The following PRELP variants were observed in gnomAD, a reference collection of about 807,000 sequenced individuals.
PRELP encodes prolargin.
Under a neutral mutation model 22.8 loss-of-function variants are expected in PRELP, and 16 were observed. That is an observed-to-expected ratio of 0.70 (90% CI 0.47 to 1.06). PRELP has a LOEUF of 1.06. PRELP is among the 50% of genes least tolerant of loss of function. The pLI, the probability that PRELP is intolerant of heterozygous loss-of-function variation, is 0.00. For missense variants in PRELP, 434 were observed against 485.2 expected (o/e 0.89, Z 0.99); for synonymous variants, 233 against 211.4 (o/e 1.10, Z -0.89).
chr1:203,484,298 C>G, intron 2 of PRELP, 141 bp downstream of exon 2: 1 of 1,315,526 alleles, frequency 7.6e-7, no homozygotes, highest in Non-Finnish European at 1.0e-6. Flanking sequence ...GGCCTTGCCA[C>G]TTGCTATCTG....
In PRELP at chr1:203,486,845, G is replaced by A. The variant is rs542134754; in HGVS notation, c.1113G>A (p.Met371Ile). ...AGCCGCCCATCCCGCTGGACCTCAT[G>A]ATGTGCTTCCGCCTCCTGCAGTCCG... ...YLKPPIPLDLMMCFRLLQSVV... is the reference protein window; with the variant it reads ...YLKPPIPLDLIMCFRLLQSVV... The change falls in exon 3 of 3, where the codon ATG becomes ATA. Residue 371 changes from methionine (M) to isoleucine (I), a missense_variant. Met to Ile is a conservative substitution (Grantham distance 10). Transcript: ENST00000343110. 6.2e-7 allele frequency: 1 copy of A among 1,614,172 alleles called. No homozygotes were observed. The highest frequency in any genetic ancestry group is 1.7e-5 in the Admixed American group (1 of 60,018).
At chr1:203,481,009 G>C (rs1415973243) in intron 1 of PRELP, among the ~76,000 whole-genome samples, 6 of 111,816 alleles carry the variant, frequency 5.4e-5, no homozygotes, top group African/African-American at 2.6e-4. Context: ...CTGAGCCAAG[G>C]AAACCCCGCC....
chr1:203,476,474 CAT>C (rs1660912928), intron 1 of PRELP, among the ~76,000 whole-genome samples: 1 of 152,208 alleles, frequency 6.6e-6, no homozygotes, highest in Non-Finnish European at 1.5e-5. Context: ...TGCATGCACA[CAT>C]GTTCCCTGCA....
chr1:203,485,545 A>ATT (rs879507080), intron 2 of PRELP, among the ~76,000 whole-genome samples: 5 of 152,216 alleles, frequency 3.3e-5, no homozygotes, highest in Non-Finnish European at 5.9e-5. Context: ...TGCCTTTGCC[A>ATT]ACATTCTCTC....
Position 203,487,048 on chromosome 1 carries a change from G to T in PRELP, c.*167G>T, listed in dbSNP as rs1178978218. On this transcript the variant is annotated 3_prime_UTR_variant, in exon 3 of 3. Transcript: ENST00000343110. ...CATCTATTCTTCTGCAGCCTCAGGA[G>T]CGAGACTTCAAGGACTCAGTTTGGT... 2 of 798,996 alleles carry T rather than the reference G, an allele frequency of 2.5e-6. No individual in the cohort carries two copies. Among genetic ancestry groups the T allele is most frequent in the Non-Finnish European group, 3.8e-6 (2 of 530,748 alleles). 49.5% of individuals were successfully genotyped at this position (798,996 alleles called of 1,614,324 possible).
Position 203,483,068 on chromosome 1 carries a change from C to T in PRELP, c.-16-101C>T. ...CCACAGCTCCCTGAGCTCTGCCCAT[C>T]TTCCCTAGAGCTCTAGTTCTGCCCA... On this transcript the variant is annotated intron_variant, in intron 1 of 2. Coordinates refer to ENST00000343110, the MANE Select transcript of PRELP (RefSeq NM_002725.4). The surrounding 1 kb of genome is among the most constrained non-coding windows in gnomAD (Gnocchi z 4.4). 3.1e-6 allele frequency: 3 copies of T among 967,466 alleles called. No individual in the cohort carries two copies. The highest frequency in any genetic ancestry group is 4.7e-6 in the Non-Finnish European group (3 of 643,848). The allele number at this position is 967,466 out of a possible 1,614,324, so 59.9% of individuals were successfully genotyped here. A position where few individuals can be genotyped will look rare whatever the true frequency, so the allele number is the denominator to read the frequency against.
chr1:203,486,954 G>A lies in PRELP; in HGVS notation c.*73G>A. The stretch of plus-strand genomic sequence containing the variant: ...GCCCAGGCACCTGTGCCGGCCATTC[G>A]TTTTCTCTCTCTCCCTTTCTTTCTC... On this transcript the variant is annotated 3_prime_UTR_variant, in exon 3 of 3. Transcript: ENST00000343110. 7.0e-7 allele frequency: 1 copy of A among 1,422,180 alleles called. No homozygotes were observed. Among genetic ancestry groups the A allele is most frequent in the Middle Eastern group, 2.2e-4 (1 of 4,618 alleles). 88.1% of individuals were successfully genotyped at this position (1,422,180 alleles called of 1,614,324 possible).
In PRELP at chr1:203,490,677, T is replaced by C. The variant is rs1661177083; in HGVS notation, c.*3796T>C. On this transcript the variant is annotated 3_prime_UTR_variant, in exon 3 of 3. Coordinates refer to ENST00000343110, the MANE Select transcript of PRELP (RefSeq NM_002725.4). ...GGTTAGAACAGGGTGTCCCAGACTC[T>C]CTCTTCTGAGGGAAGGTTGGTTGCA... 6.6e-6 allele frequency: 1 copy of C among 152,196 alleles called. No individual in the cohort carries two copies. The allele number at this position is 152,196 out of a possible 1,614,324, so 9.4% of individuals were successfully genotyped here. A position where few individuals can be genotyped will look rare whatever the true frequency, so the allele number is the denominator to read the frequency against.
intron 2 of PRELP, among the ~76,000 whole-genome samples, chr1:203,485,075 G>A (rs1661069257): frequency 6.6e-6 from 1 of 151,684 alleles, no homozygotes; most frequent in South Asian, 2.1e-4. Context: ...GAGATTGTTG[G>A]TGTCTCTACC....
chr1:203,483,339 C>T lies in PRELP; in HGVS notation c.155C>T (p.Pro52Leu), dbSNP rs1410468623. 1 of 1,614,082 alleles carries T rather than the reference C, an allele frequency of 6.2e-7. No homozygotes were observed. Among genetic ancestry groups the T allele is most frequent in the Non-Finnish European group, 8.5e-7 (1 of 1,180,004 alleles). Reference protein sequence around the residue: ...PTPSFPQPDEPAEPTDLPPPL... With the variant: ...PTPSFPQPDELAEPTDLPPPL... ...CCCAGCTTTCCTCAGCCTGATGAAC[C>T]AGCAGAGCCAACAGACCTGCCTCCT... Residue 52 changes from proline (P) to leucine (L), a missense_variant, in exon 2 of 3, where the codon CCA (proline) becomes CTA (leucine). Coordinates refer to ENST00000343110, the MANE Select transcript of PRELP (RefSeq NM_002725.4). This position sits in a 1 kb window ranked among gnomAD's most constrained non-coding sequence, Gnocchi z 4.4.
Position 203,486,688 on chromosome 1 carries a change from C to T in PRELP, c.974-18C>T, listed in dbSNP as rs144164219. The T allele has an allele frequency of 3.3e-4, 525 of 1,601,128 alleles. 3 individuals carry two copies. In the African/African-American group the frequency reaches 6.1e-3, roughly 19 times the overall value. ...CAGCCTCCACTCCCTTCTGATTTCT[C>T]GTCTTCTTTTTCCGTAGAAATCAAC... On this transcript the variant is annotated intron_variant, in intron 2 of 2. Transcript: ENST00000343110.
At position 203,480,711 on chromosome 1, in the gene PRELP, A is replaced by C. The variant is rs79034827; in HGVS notation, c.-16-2458A>C. ...GCCCTGGGGCTGAGGGAAGGGGAGG[A>C]GAGCAGGCTCAGCTTCCCCACATAA... On this transcript the variant is annotated intron_variant, in intron 1 of 2. Transcript: ENST00000343110. Among the ~76,000 whole-genome samples the C allele has an allele frequency of 9.7e-3, 1,477 of 152,350 alleles. 41 individuals are homozygous for C. The East Asian group carries it at 0.098, about 10-fold the overall frequency.
At chr1:203,477,751 G>A (rs1412707747) in intron 1 of PRELP, among the ~76,000 whole-genome samples, 5 of 104,742 alleles carry the variant, frequency 4.8e-5, no homozygotes, top group African/African-American at 8.4e-5. Flanking sequence ...GTCAAGAATC[G>A]CAGTGGAACT....
chr1:203,481,758 A>G (rs1661003304), intron 1 of PRELP, among the ~76,000 whole-genome samples: 1 of 152,098 alleles, frequency 6.6e-6, no homozygotes, highest in South Asian at 2.1e-4. Flanking sequence ...GGACCTGAAG[A>G]GGTGTGTGTG....
In PRELP at chr1:203,490,915, T is replaced by C. The variant is rs1661181112; in HGVS notation, c.*4034T>C. 6.6e-6 allele frequency: 1 copy of C among 152,196 alleles called. No homozygotes were observed. Among genetic ancestry groups the C allele is most frequent in the Non-Finnish European group, 1.5e-5 (1 of 68,048 alleles). 9.4% of individuals were successfully genotyped at this position (152,196 alleles called of 1,614,324 possible). ...GCACATCCTTGAGGAACTCATACCTTGGTAAAGGGAAAGAAATCCATGAAT... is the reference window on the plus strand; with the variant it reads ...GCACATCCTTGAGGAACTCATACCTCGGTAAAGGGAAAGAAATCCATGAAT... On this transcript the variant is annotated 3_prime_UTR_variant, in exon 3 of 3. Transcript: ENST00000343110.
chr1:203,482,002 G>T (rs1398395492), intron 1 of PRELP, among the ~76,000 whole-genome samples: 1 of 152,196 alleles, frequency 6.6e-6, no homozygotes, highest in East Asian at 1.9e-4. Context: ...CACAGGGATG[G>T]GTTGAGGGTA....
Position 203,483,928 on chromosome 1 carries a change from C to T in PRELP, c.744C>T (p.Tyr248=), listed in dbSNP as rs199978423. The T allele has an allele frequency of 8.1e-6, 13 of 1,614,238 alleles. No homozygotes were observed. In the East Asian group the frequency reaches 2.2e-4, roughly 28 times the overall value. ...PRVPTAIHQL[Y]LDSNKIETIP... ...TCCCCACCGCCATTCACCAGCTCTA[C>T]CTGGACAGTAACAAGATTGAGACCA... Residue 248 remains tyrosine (Y), a synonymous_variant, in exon 2 of 3, where the codon TAC becomes TAT. Transcript: ENST00000343110. This position sits in a 1 kb window ranked among gnomAD's most constrained non-coding sequence, Gnocchi z 4.4.
intron 1 of PRELP, among the ~76,000 whole-genome samples, chr1:203,476,296 CA>C (rs1660910076): frequency 6.6e-6 from 1 of 152,168 alleles, no homozygotes; most frequent in South Asian, 2.1e-4. Flanking sequence ...TGTGTATTGT[CA>C]CACATTGTGG....
Position 203,483,352 on chromosome 1 carries a change from A to G in PRELP, c.168A>G (p.Thr56=), listed in dbSNP as rs1661038706. The G allele has an allele frequency of 6.2e-7, 1 of 1,613,868 alleles. No individual in the cohort carries two copies. The highest frequency in any genetic ancestry group is 1.1e-5 in the South Asian group (1 of 91,062). Residue 56 remains threonine (T), a synonymous_variant, in exon 2 of 3, where the codon ACA becomes ACG. Transcript: ENST00000343110. The surrounding 1 kb of genome is among the most constrained non-coding windows in gnomAD (Gnocchi z 4.4). Reference sequence around the variant, plus strand: ...AGCCTGATGAACCAGCAGAGCCAACAGACCTGCCTCCTCCCCTCCCTCCAG... The same window carrying G: ...AGCCTGATGAACCAGCAGAGCCAACGGACCTGCCTCCTCCCCTCCCTCCAG... ...FPQPDEPAEP[T]DLPPPLPPGP...
Sources: allele counts gnomAD v4.1 joint callset (sites outside exome capture counted in the v4.1 genomes callset), GRCh38; gene constraint gnomAD v4.1.1; non-coding constraint Gnocchi (gnomAD v3.1); transcripts MANE v1.5; gene names NCBI Gene and HGNC (gene_info 2026-07-23, HGNC 2026-07-21).